The following CCDC138 variants were observed in gnomAD, a reference collection of about 807,000 sequenced individuals.
The protein encoded by CCDC138 is coiled-coil domain-containing protein 138.
A neutral mutation model predicts 82.3 loss-of-function variants in CCDC138; 66 were observed. That is an observed-to-expected ratio of 0.80 (90% CI 0.66 to 0.98). The LOEUF is 0.98. Ranked by LOEUF, CCDC138 falls within the 50% of genes least tolerant of loss-of-function variation. The pLI, the probability that CCDC138 is intolerant of heterozygous loss-of-function variation, is 0.00. For synonymous variants in CCDC138, 297 were observed against 265.4 expected (o/e 1.12, Z -1.16); for missense variants, 816 against 758.9 (o/e 1.08, Z -0.88).
chr2:108,817,416 C>T (rs1159858762), intron 10 of CCDC138, among the ~76,000 whole-genome samples: 2 of 152,076 alleles, frequency 1.3e-5, no homozygotes, highest in Non-Finnish European at 2.9e-5. Context: ...CCTCAGTCTC[C>T]CAAGTAGCTG....
At chr2:108,843,886 C>A (rs865777216) in intron 11 of CCDC138, among the ~76,000 whole-genome samples, 2 of 93,972 alleles carry the variant, frequency 2.1e-5, no homozygotes, top group South Asian at 3.7e-4. Context: ...GTGTTTCTTT[C>A]TTTTTTTTTT....
At chr2:108,815,904 G>A in intron 9 of CCDC138, 37 bp from the exon 10 acceptor site, 1 of 1,545,416 alleles carries the variant, frequency 6.5e-7, no homozygotes, top group Non-Finnish European at 8.8e-7. Flanking sequence ...TTATGAAGTT[G>A]TGAACTGAAA....
intron 13 of CCDC138, among the ~76,000 whole-genome samples, chr2:108,865,555 A>G (rs1694288388): frequency 6.6e-6 from 1 of 152,200 alleles, no homozygotes; most frequent in Non-Finnish European, 1.5e-5. Context: ...GAAGACCCTC[A>G]CCAATCAGCC....
At chr2:108,803,318 C>T (rs769036705) in intron 6 of CCDC138, among the ~76,000 whole-genome samples, 6 of 152,206 alleles carry the variant, frequency 3.9e-5, no homozygotes, top group South Asian at 2.1e-4. Flanking sequence ...CTCTCTTCTG[C>T]GGGATTCTCC....
chr2:108,799,802 T>G (rs998192736), intron 6 of CCDC138, among the ~76,000 whole-genome samples: 2 of 152,152 alleles, frequency 1.3e-5, no homozygotes, highest in African/African-American at 4.8e-5. Context: ...CTCCATTCCT[T>G]TTTTTCCCAT....
downstream of CCDC138, among the ~76,000 whole-genome samples, chr2:108,877,168 A>C (rs1431076654): frequency 2.6e-5 from 4 of 152,196 alleles, no homozygotes; most frequent in Non-Finnish European, 4.4e-5. Flanking sequence ...GGAACCATAG[A>C]AACTTAAAAA....
intron 9 of CCDC138, among the ~76,000 whole-genome samples, chr2:108,813,892 T>A (rs575953681): frequency 2.0e-5 from 3 of 152,220 alleles, no homozygotes; most frequent in Non-Finnish European, 4.4e-5. Flanking sequence ...GTAAGGCTTT[T>A]CTCAGCATAA....
At chr2:108,795,981 G>A (rs763724269) in intron 5 of CCDC138, among the ~76,000 whole-genome samples, 8 of 152,188 alleles carry the variant, frequency 5.3e-5, no homozygotes, top group Non-Finnish European at 1.0e-4. Flanking sequence ...AGCAAACAAA[G>A]ATGTTTAATA....
intron 4 of CCDC138, among the ~76,000 whole-genome samples, chr2:108,792,504 C>G (rs952003294): frequency 6.6e-6 from 1 of 152,170 alleles, no homozygotes; most frequent in Non-Finnish European, 1.5e-5. Flanking sequence ...GCACCAACCT[C>G]ATATTTGAAA....
chr2:108,811,061 C>T (rs1238380370), intron 7 of CCDC138, among the ~76,000 whole-genome samples: 4 of 151,028 alleles, frequency 2.6e-5, no homozygotes, highest in Non-Finnish European at 2.9e-5. Flanking sequence ...CCGATTTTTC[C>T]GATTTTATCT....
At chr2:108,823,435 A>G (rs775201279) in intron 10 of CCDC138, among the ~76,000 whole-genome samples, 59 of 152,234 alleles carry the variant, frequency 3.9e-4, no homozygotes, top group Non-Finnish European at 7.2e-4. Flanking sequence ...TTGCTTAACA[A>G]TAGGACCACA....
chr2:108,839,340 C>T (rs749267344), intron 11 of CCDC138, 39 bp downstream of exon 11: 4 of 1,491,470 alleles, frequency 2.7e-6, no homozygotes, highest in African/African-American at 2.8e-5. Flanking sequence ...AGTAATACTC[C>T]ACCTAATATT....
intron 13 of CCDC138, among the ~76,000 whole-genome samples, chr2:108,859,737 G>A (rs1693253543): frequency 6.6e-6 from 1 of 151,920 alleles, no homozygotes; most frequent in African/African-American, 2.4e-5. Context: ...ATAACATGAT[G>A]CTTCCAGCTT....
At chr2:108,825,393 C>T (rs982821436) in intron 10 of CCDC138, among the ~76,000 whole-genome samples, 5 of 151,768 alleles carry the variant, frequency 3.3e-5, no homozygotes, top group African/African-American at 2.4e-5. Flanking sequence ...GTGCAACCAT[C>T]GCCTTAATCA....
Position 108,791,481 on chromosome 2 carries a change from C to G in CCDC138, c.267-194C>G, listed in dbSNP as rs1270382483. On this transcript the variant is annotated intron_variant, in intron 3 of 14. Coordinates refer to ENST00000295124, the MANE Select transcript of CCDC138 (RefSeq NM_144978.3). ...TCTATTTAATGTGTAGAAAAAGATGCTTGTAGTGGGTTATCAATGATCAGT... is the reference window on the plus strand; with the variant it reads ...TCTATTTAATGTGTAGAAAAAGATGGTTGTAGTGGGTTATCAATGATCAGT... 6.6e-6 allele frequency: 4 copies of G among 607,746 alleles called. No homozygotes were observed. In the East Asian group the frequency reaches 1.4e-4, roughly 22 times the overall value. The allele number at this position is 607,746 out of a possible 1,614,324, so 37.6% of individuals were successfully genotyped here.
At position 108,796,304 on chromosome 2, in the gene CCDC138, T is replaced by C. The variant is rs192538182; in HGVS notation, c.576+1583T>C. On this transcript the variant is annotated intron_variant, in intron 5 of 14. Transcript: ENST00000295124. Reference sequence around the variant, plus strand: ...CTCCTGACCTCGTGATCCGCCCGCCTCTGCCTCCCAAAGTGCTGGGATTAC... The same window carrying C: ...CTCCTGACCTCGTGATCCGCCCGCCCCTGCCTCCCAAAGTGCTGGGATTAC... Among the ~76,000 whole-genome samples, 383 of 152,264 alleles carry C rather than the reference T, an allele frequency of 2.5e-3. 2 individuals are homozygous for C. The highest frequency in any genetic ancestry group is 8.9e-3 in the African/African-American group (368 of 41,548).
chr2:108,853,925 A>C lies in CCDC138; in HGVS notation c.1517-2869A>C, dbSNP rs1188635565. ...TTATATATTATATAGTATATATATTATATATAATTTATATATAATATACAA... is the reference window on the plus strand; with the variant it reads ...TTATATATTATATAGTATATATATTCTATATAATTTATATATAATATACAA... On this transcript the variant is annotated intron_variant, in intron 12 of 14. Transcript: ENST00000295124. Among the ~76,000 whole-genome samples the C allele has an allele frequency of 5.2e-5, 6 of 115,808 alleles. No homozygotes were observed. The Admixed American group carries it at 5.4e-4, about 10-fold the overall frequency. The allele number at this position is 115,808 out of a possible 152,430, so 76.0% of individuals were successfully genotyped here.
intron 10 of CCDC138, among the ~76,000 whole-genome samples, chr2:108,831,712 C>CCTTCCTTCCTTA (rs1687679565): frequency 6.6e-6 from 1 of 151,234 alleles, no homozygotes; most frequent in South Asian, 2.1e-4. Flanking sequence ...TTCCTTCCTT[C>CCTTCCTTCCTTA]CTTCCTTCCT....
rs770746522 is a variant in CCDC138 at position 108,876,177 on chromosome 2, G to C, written c.1922G>C (p.Cys641Ser). The C allele has an allele frequency of 6.2e-7, 1 of 1,613,060 alleles. No homozygotes were observed. The highest frequency in any genetic ancestry group is 1.3e-5 in the African/African-American group (1 of 74,890). Residue 641 changes from cysteine to serine, a missense_variant, in exon 15 of 15, where the codon TGT (cysteine) becomes TCT (serine). By Grantham distance (112) the Cys-to-Ser change is moderately radical. Coordinates refer to ENST00000295124, the MANE Select transcript of CCDC138 (RefSeq NM_144978.3). ...RTTNPEHAFL[C>S]INLNSTLFNL... ...ACAAACCCAGAGCATGCATTTCTCTGTATTAATCTAAATTCAACTCTGTTC... is the reference window on the plus strand; with the variant it reads ...ACAAACCCAGAGCATGCATTTCTCTCTATTAATCTAAATTCAACTCTGTTC...
Sources: gnomAD v4.1 joint callset for allele counts (sites outside exome capture counted in the v4.1 genomes callset) on GRCh38, gnomAD v4.1.1 for gene constraint, MANE v1.5 for transcripts, NCBI Gene and HGNC (gene_info 2026-07-23, HGNC 2026-07-21) for gene names.